Variants in SEPTIN7 observed in about 807,000 individuals in gnomAD.
SEPTIN7 encodes the protein septin-7.
In SEPTIN7, 10 loss-of-function variants were observed where a neutral mutation model predicts 63.3. The observed-to-expected ratio is 0.16, with a 90% CI of 0.10 to 0.27. The LOEUF (loss-of-function observed/expected upper bound fraction) is 0.27, where lower values mean the gene tolerates loss of function less well. SEPTIN7 is among the 10% of genes least tolerant of loss of function. SEPTIN7 has a pLI of 1.00. For missense variants in SEPTIN7, 310 were observed against 521.0 expected, an observed-to-expected ratio of 0.59 and a Z score of 3.94; for synonymous variants, 131 against 165.3, an observed-to-expected ratio of 0.79 and a Z score of 1.59.
At position 35,854,038 on chromosome 7, in the gene SEPTIN7, T is replaced by G. The variant is rs1305250329; in HGVS notation, c.170-9514T>G. On this transcript the variant is annotated intron_variant, in intron 3 of 13. Coordinates refer to ENST00000350320, the MANE Select transcript of SEPTIN7 (RefSeq NM_001788.6). Reference sequence around the variant, plus strand: ...TCTCAGATACTCCAAAGTTTGAAACTTTGAGTGCTGACGTGATGCTCAAAG... The same window carrying G: ...TCTCAGATACTCCAAAGTTTGAAACGTTGAGTGCTGACGTGATGCTCAAAG... Among the ~76,000 whole-genome samples the G allele has an allele frequency of 9.8e-5, 15 of 152,338 alleles. No individual in the cohort carries two copies. In the East Asian group the frequency reaches 2.7e-3, roughly 27 times the overall value.
At chr7:35,838,244 C>CAAA (rs1784182840) in intron 3 of SEPTIN7, among the ~76,000 whole-genome samples, 5 of 28,100 alleles carry the variant, frequency 1.8e-4, no homozygotes. Flanking sequence ...AAACTTCCTT[C>CAAA]CTTCCTTCCT....
At chr7:35,836,664 CTTAG>C (rs1347777744) in intron 3 of SEPTIN7, among the ~76,000 whole-genome samples, 2 of 151,874 alleles carry the variant, frequency 1.3e-5, no homozygotes, top group Admixed American at 6.6e-5. Context: ...TTAGGAGTTA[CTTAG>C]TTAGTGATAG....
chr7:35,842,942 G>A (rs1308524270), intron 3 of SEPTIN7, among the ~76,000 whole-genome samples: 1 of 151,888 alleles, frequency 6.6e-6, no homozygotes, highest in Non-Finnish European at 1.5e-5. Context: ...ATATATATAT[G>A]TGTGTGTGTA....
intron 1 of SEPTIN7, among the ~76,000 whole-genome samples, chr7:35,812,313 C>T (rs1271552032): frequency 6.6e-6 from 1 of 151,034 alleles, no homozygotes; most frequent in Non-Finnish European, 1.5e-5. Context: ...CCCCACGTCC[C>T]TTCCCCACCC....
At chr7:35,825,424 C>T (rs529027702) in intron 1 of SEPTIN7, among the ~76,000 whole-genome samples, 2 of 152,258 alleles carry the variant, frequency 1.3e-5, no homozygotes, top group South Asian at 4.1e-4. Flanking sequence ...ACTCAACTGA[C>T]TGAGACCCAT....
Position 35,801,401 on chromosome 7 carries a change from G to T in SEPTIN7, c.61+131G>T, listed in dbSNP as rs1787958020. 9 of 1,192,520 alleles carry T rather than the reference G, an allele frequency of 7.5e-6. No individual in the cohort carries two copies. The East Asian group carries it at 2.9e-4, about 38-fold the overall frequency. The allele number at this position is 1,192,520 out of a possible 1,614,324, so 73.9% of individuals were successfully genotyped here. Reference sequence around the variant, plus strand: ...GGCAGCGGCGAGGGGAGCCGGGATGGGGGCCACTGCGGGCCCGGGGCGCGG... The same window carrying T: ...GGCAGCGGCGAGGGGAGCCGGGATGTGGGCCACTGCGGGCCCGGGGCGCGG... On this transcript the variant is annotated intron_variant, in intron 1 of 13. Coordinates refer to ENST00000350320, the MANE Select transcript of SEPTIN7 (RefSeq NM_001788.6).
chr7:35,907,247 ATT>A (rs1788646278), downstream of SEPTIN7: 1 of 152,268 alleles, frequency 6.6e-6, no homozygotes, highest in East Asian at 1.9e-4. Context: ...TGAAAGGAAA[ATT>A]TGCCACACCA....
intron 2 of SEPTIN7, chr7:35,831,926 T>G (rs1483323800): frequency 3.3e-6 from 1 of 303,316 alleles, no homozygotes; most frequent in Admixed American, 4.9e-5. Flanking sequence ...GTGTGCCTCT[T>G]TTTGCTATTT....
chr7:35,847,376 GC>G, intron 3 of SEPTIN7: 4 of 164,488 alleles, frequency 2.4e-5, no homozygotes, highest in East Asian at 1.7e-4. Flanking sequence ...AGCCATCAGG[GC>G]CCCCGGGTAA....
intron 11 of SEPTIN7, among the ~76,000 whole-genome samples, chr7:35,895,167 T>G (rs924869877): frequency 4.6e-5 from 7 of 152,146 alleles, no homozygotes; most frequent in African/African-American, 1.7e-4. Context: ...ACAACTTAAA[T>G]GGTTTTTCCA....
intron 7 of SEPTIN7, among the ~76,000 whole-genome samples, chr7:35,881,768 G>A (rs2727845): frequency 0.52 from 78,361 of 151,594 alleles, 21,941 homozygotes; most frequent in Admixed American, 0.63. Flanking sequence ...AAATTATTTG[G>A]ATGTCTGTAT....
At chr7:35,813,959 T>C (rs1359934955) in intron 1 of SEPTIN7, among the ~76,000 whole-genome samples, 3 of 152,152 alleles carry the variant, frequency 2.0e-5, no homozygotes, top group Non-Finnish European at 4.4e-5. Context: ...ATTGGTAGTA[T>C]TGCTGCTAAG....
At chr7:35,888,002 T>C (rs1269931758) in intron 10 of SEPTIN7, among the ~76,000 whole-genome samples, 1 of 152,184 alleles carries the variant, frequency 6.6e-6, no homozygotes, top group Non-Finnish European at 1.5e-5. Context: ...AAAGAAGTTC[T>C]CTTGCTAATT....
intron 11 of SEPTIN7, among the ~76,000 whole-genome samples, chr7:35,896,163 CT>C (rs1787951787): frequency 6.6e-6 from 1 of 152,074 alleles, no homozygotes; most frequent in African/African-American, 2.4e-5. Flanking sequence ...ATTTTCCCCC[CT>C]AGAGTTATTT....
At chr7:35,809,190 G>A (rs768779009) in intron 1 of SEPTIN7, among the ~76,000 whole-genome samples, 2 of 152,172 alleles carry the variant, frequency 1.3e-5, no homozygotes, top group African/African-American at 4.8e-5. Context: ...AAATGCTGTG[G>A]CAGTTGAAAT....
At chr7:35,819,936 A>G (rs1166144655) in intron 1 of SEPTIN7, among the ~76,000 whole-genome samples, 1 of 151,442 alleles carries the variant, frequency 6.6e-6, no homozygotes, top group Non-Finnish European at 1.5e-5. Context: ...TAATCTAAGT[A>G]GTGATATGAT....
intron 1 of SEPTIN7, among the ~76,000 whole-genome samples, chr7:35,815,381 G>T (rs576678078): frequency 1.7e-4 from 26 of 152,256 alleles, no homozygotes; most frequent in African/African-American, 6.3e-4. Flanking sequence ...GTATATGTGT[G>T]TAAAAATATT....
chr7:35,877,732 T>C (rs1786560475), intron 6 of SEPTIN7, among the ~76,000 whole-genome samples: 1 of 152,212 alleles, frequency 6.6e-6, no homozygotes, highest in Non-Finnish European at 1.5e-5. Context: ...CACAGCAGCT[T>C]ACTTTTTTTG....
chr7:35,824,020 T>C (rs1783374775), intron 1 of SEPTIN7, among the ~76,000 whole-genome samples: 1 of 152,116 alleles, frequency 6.6e-6, no homozygotes, highest in South Asian at 2.1e-4. Context: ...TTTTTTTTTT[T>C]TTAAGTGCTT....
Sources: allele counts gnomAD v4.1 joint callset (sites outside exome capture counted in the v4.1 genomes callset), GRCh38; gene constraint gnomAD v4.1.1; transcripts MANE v1.5; gene names NCBI Gene and HGNC (gene_info 2026-07-23, HGNC 2026-07-21).